The following NUP210 variants were observed in gnomAD, a reference collection of about 807,000 sequenced individuals.
NUP210 encodes the protein nucleoporin 210, also known as nuclear pore membrane glycoprotein 210.
In NUP210, 151 loss-of-function variants were observed where a neutral mutation model predicts 196.0. That is an observed-to-expected ratio of 0.77 (90% CI 0.67 to 0.88). The LOEUF (loss-of-function observed/expected upper bound fraction) is 0.88, where lower values mean the gene tolerates loss of function less well. Among genes scored for constraint, NUP210 ranks in the 40% least tolerant of loss-of-function variants. NUP210 has a pLI of 0.00. For missense variants in NUP210, 2,314 were observed against 2,493.7 expected (o/e 0.93, Z 1.53); for synonymous variants, 1,070 against 1,052.7 (o/e 1.02, Z -0.32).
chr3:13,402,818 G>A (rs796218877), intron 1 of NUP210, among the ~76,000 whole-genome samples: 2 of 152,266 alleles, frequency 1.3e-5, no homozygotes, highest in African/African-American at 4.8e-5. Flanking sequence ...TACATGCCCT[G>A]CCCCATGCAT....
chr3:13,343,323 G>T lies in NUP210; in HGVS notation c.2836-20C>A. The T allele has an allele frequency of 6.3e-7, 1 of 1,595,600 alleles. No individual in the cohort carries two copies. Among genetic ancestry groups the T allele is most frequent in the Non-Finnish European group, 8.6e-7 (1 of 1,167,698 alleles). Reference sequence around the variant, plus strand: ...GTGCACCTGCAAGGTTGGGGCGGAGGTGGAGGGGTGGGTGGTGGGTTACGC... The same window carrying T: ...GTGCACCTGCAAGGTTGGGGCGGAGTTGGAGGGGTGGGTGGTGGGTTACGC... On this transcript the variant is annotated intron_variant, in intron 20 of 39. Transcript: ENST00000254508.
intron 35 of NUP210, 94 bp downstream of exon 35, chr3:13,322,099 C>T (rs923108114): frequency 6.9e-6 from 10 of 1,446,464 alleles, no homozygotes; most frequent in African/African-American, 5.6e-5. Flanking sequence ...TCTGGACAGA[C>T]GGCCATGGTG....
Position 13,375,493 on chromosome 3 carries a change from G to T in NUP210, c.1431+11C>A. ...AAAGGAATGCACGCAGAGGTGAGGG[G>T]TCTCACGTACCCTTATTGTGTACTG... On this transcript the variant is annotated intron_variant, in intron 11 of 39. Transcript: ENST00000254508. 2.5e-6 allele frequency: 4 copies of T among 1,610,546 alleles called. No individual in the cohort carries two copies. Among genetic ancestry groups the T allele is most frequent in the Non-Finnish European group, 3.4e-6 (4 of 1,177,642 alleles).
At chr3:13,383,252 T>A (rs1699160350) in intron 6 of NUP210, among the ~76,000 whole-genome samples, 2 of 152,336 alleles carry the variant, frequency 1.3e-5, no homozygotes, top group East Asian at 1.9e-4. Flanking sequence ...TGCCAAAACA[T>A]CCATCTGGAA....
intron 6 of NUP210, among the ~76,000 whole-genome samples, chr3:13,384,402 T>A (rs1022544208): frequency 2.0e-5 from 3 of 152,196 alleles, no homozygotes; most frequent in African/African-American, 7.2e-5. Flanking sequence ...TGCCTCAGTT[T>A]TCCTCATGTA....
intron 3 of NUP210, among the ~76,000 whole-genome samples, chr3:13,392,440 G>C (rs1699521823): frequency 6.6e-6 from 1 of 152,196 alleles, no homozygotes; most frequent in South Asian, 2.1e-4. Flanking sequence ...TTTTTTCTTA[G>C]AGGTCCAGAG....
intron 34 of NUP210, 43 bp from the exon 35 acceptor site, chr3:13,322,382 G>A (rs1696576266): frequency 6.2e-7 from 1 of 1,605,054 alleles, no homozygotes; most frequent in Non-Finnish European, 8.5e-7. Flanking sequence ...AGGCCCGATG[G>A]CCACCACACC....
At position 13,358,253 on chromosome 3, in the gene NUP210, G is replaced by A; in HGVS notation, c.2297C>T (p.Ser766Phe). The change falls in exon 16 of 40, where the codon TCC (serine) becomes TTC (phenylalanine). Residue 766 changes from serine to phenylalanine, a missense_variant. Physicochemically the swap from Ser to Phe is radical, Grantham distance 155. Coordinates refer to ENST00000254508, the MANE Select transcript of NUP210 (RefSeq NM_024923.4). ...PVYTSPQLDM[S>F]CPLLQQNKQV... Reference sequence around the variant, plus strand: ...CTTGTTCTGCTGCAGCAGCGGACAGGACATGTCCAGCTGGGGGCTGGTGTA... The same window carrying A: ...CTTGTTCTGCTGCAGCAGCGGACAGAACATGTCCAGCTGGGGGCTGGTGTA... 1 of 1,613,006 alleles carries A rather than the reference G, an allele frequency of 6.2e-7. No individual in the cohort carries two copies. The highest frequency in any genetic ancestry group is 8.5e-7 in the Non-Finnish European group (1 of 1,179,550).
chr3:13,362,550 T>G (rs1171492128), intron 14 of NUP210, among the ~76,000 whole-genome samples: 1 of 152,246 alleles, frequency 6.6e-6, no homozygotes, highest in Non-Finnish European at 1.5e-5. Context: ...TAAGGCGACC[T>G]GAACAGACTA....
intron 14 of NUP210, among the ~76,000 whole-genome samples, chr3:13,363,370 G>A (rs950544096): frequency 2.6e-5 from 4 of 152,236 alleles, no homozygotes; most frequent in Non-Finnish European, 5.9e-5. Context: ...GCAGGCCACT[G>A]TGTATCTTGC....
intron 28 of NUP210, among the ~76,000 whole-genome samples, chr3:13,334,384 G>A (rs1697123166): frequency 6.6e-6 from 1 of 152,068 alleles, no homozygotes; most frequent in Admixed American, 6.6e-5. Context: ...TTGTATGTAT[G>A]TGTCTCTATG....
Position 13,323,326 on chromosome 3 carries a change from C to G in NUP210, c.4751G>C (p.Arg1584Thr). The G allele has an allele frequency of 3.1e-6, 5 of 1,614,192 alleles. No individual in the cohort carries two copies. The highest frequency in any genetic ancestry group is 3.4e-6 in the Non-Finnish European group (4 of 1,180,024). ...ASKVIVAVGDRSSNLRGECTP... is the reference protein window; with the variant it reads ...ASKVIVAVGDTSSNLRGECTP... ...TTAAGTACCTCTCAGGTTAGAGCTT[C>G]TGTCTCCCACGGCAACAATCACTTT... The change falls in exon 34 of 40, where the codon AGA becomes ACA. Residue 1584 changes from arginine to threonine, a missense_variant. By Grantham distance (71) the Arg-to-Thr change is moderately conservative. Transcript: ENST00000254508. This position sits in a 1 kb window ranked among gnomAD's most constrained non-coding sequence, Gnocchi z 4.3.
intron 20 of NUP210, 31 bp from the exon 21 acceptor site, chr3:13,343,334 G>A (rs1175967639): frequency 6.3e-7 from 1 of 1,591,016 alleles, no homozygotes; most frequent in Non-Finnish European, 8.6e-7. Flanking sequence ...TGGAGGGGTG[G>A]GTGGTGGGTT....
At chr3:13,352,023 G>A in intron 19 of NUP210, 43 bp from the exon 20 acceptor site, 1 of 1,601,472 alleles carries the variant, frequency 6.2e-7, no homozygotes, top group Non-Finnish European at 8.6e-7. Flanking sequence ...GCATGTGGGA[G>A]GGCGAGGAGT....
At position 13,327,574 on chromosome 3, in the gene NUP210, G is replaced by A. The variant is rs543495310; in HGVS notation, c.4287-137C>T. 40 of 675,196 alleles carry A rather than the reference G, an allele frequency of 5.9e-5. No homozygotes were observed. In the South Asian group the frequency reaches 7.4e-4, roughly 12 times the overall value. The allele number at this position is 675,196 out of a possible 1,614,324, so 41.8% of individuals were successfully genotyped here. A position where few individuals can be genotyped will look rare whatever the true frequency, so the allele number is the denominator to read the frequency against. On this transcript the variant is annotated intron_variant, in intron 31 of 39. Coordinates refer to ENST00000254508, the MANE Select transcript of NUP210 (RefSeq NM_024923.4). ...GGTCCCAGGTGTGGCCCCAACTCGA[G>A]GTTACCAAGCAGTGGCCCCAGATGA...
chr3:13,401,258 T>TTAAAAAAAAAAAAAAAAAAAA (rs1162470689), intron 1 of NUP210, among the ~76,000 whole-genome samples: 1 of 16,506 alleles, frequency 6.1e-5, no homozygotes, highest in Non-Finnish European at 1.0e-4. Context: ...AGACTCTGGC[T>TTAAAAAAAAAAAAAAAAAAAA]CAAAAAAAAA....
intron 27 of NUP210, among the ~76,000 whole-genome samples, chr3:13,336,511 TCAGAAGCTGCAGA>T (rs1203576647): frequency 6.6e-6 from 1 of 152,134 alleles, no homozygotes; most frequent in Non-Finnish European, 1.5e-5. Flanking sequence ...CAGAAAATGG[TCAGAAGCTGCAGA>T]CTCTGACCTC....
intron 10 of NUP210, 88 bp from the exon 11 acceptor site, chr3:13,375,729 G>T: frequency 7.0e-7 from 1 of 1,434,962 alleles, no homozygotes; most frequent in Non-Finnish European, 9.5e-7. Context: ...CCCTCCCTGG[G>T]GATCGGGTCA....
chr3:13,379,000 G>A lies in NUP210; in HGVS notation c.977-20C>T, dbSNP rs1298416161. 1.2e-6 allele frequency: 2 copies of A among 1,608,804 alleles called. No homozygotes were observed. The highest frequency in any genetic ancestry group is 1.3e-5 in the African/African-American group (1 of 74,826). On this transcript the variant is annotated intron_variant, in intron 7 of 39. Transcript: ENST00000254508. The stretch of plus-strand genomic sequence containing the variant: ...GAATACCTGAATTTTGAATTAAGGG[G>A]CAAGACATATGACAGCAAATAAACC...
Sources: gnomAD v4.1 joint callset for allele counts (sites outside exome capture counted in the v4.1 genomes callset) on GRCh38, gnomAD v4.1.1 for gene constraint, Gnocchi (gnomAD v3.1) non-coding constraint, MANE v1.5 for transcripts, NCBI Gene and HGNC (gene_info 2026-07-23, HGNC 2026-07-21) for gene names.